ADAMTSL1: variants seen among roughly 807,000 people sequenced by gnomAD.
The protein encoded by ADAMTSL1 is ADAMTS like 1.
Under a neutral mutation model 201.8 loss-of-function variants are expected in ADAMTSL1, and 126 were observed. The observed-to-expected ratio is 0.62, with a 90% CI of 0.54 to 0.72. The LOEUF (loss-of-function observed/expected upper bound fraction) is 0.72. Ranked by LOEUF, ADAMTSL1 falls within the 30% of genes least tolerant of loss-of-function variation. The probability of loss-of-function intolerance (pLI) is 0.00; values close to 1 mark genes in which losing one functional copy is unlikely to be tolerated. For missense variants in ADAMTSL1, 2,679 were observed against 2,277.8 expected (o/e 1.18, Z -3.59); for synonymous variants, 1,121 against 903.4 (o/e 1.24, Z -4.32).
At chr9:18,489,643 T>C (rs2131848160) in intron 1 of ADAMTSL1, among the ~76,000 whole-genome samples, 1 of 152,370 alleles carries the variant, frequency 6.6e-6, no homozygotes, top group African/African-American at 2.4e-5. Context: ...CATTCAGTCT[T>C]CCACACAGAC....
At chr9:18,760,276 C>T (rs1291164870) in intron 16 of ADAMTSL1, among the ~76,000 whole-genome samples, 3 of 152,166 alleles carry the variant, frequency 2.0e-5, no homozygotes, top group Admixed American at 6.5e-5. Flanking sequence ...CTCTTCCTTT[C>T]TAATCCCTCT....
At chr9:18,790,423 A>C (rs1447115704) in intron 19 of ADAMTSL1, among the ~76,000 whole-genome samples, 1 of 152,200 alleles carries the variant, frequency 6.6e-6, no homozygotes, top group African/African-American at 2.4e-5. Context: ...CAGTTGAGCC[A>C]AAGATCCAGA....
intron 1 of ADAMTSL1, among the ~76,000 whole-genome samples, chr9:18,490,644 A>G (rs1006209507): frequency 1.3e-5 from 2 of 152,192 alleles, no homozygotes; most frequent in African/African-American, 4.8e-5. Flanking sequence ...CAGGGGCCTG[A>G]GGAAAGAGTC....
chr9:17,914,411 T>A (rs202050132), intron 1 of ADAMTSL1, among the ~76,000 whole-genome samples: 20 of 152,080 alleles, frequency 1.3e-4, no homozygotes, highest in East Asian at 9.7e-4. Flanking sequence ...ACAGAACCAA[T>A]GACAAAAACC....
chr9:18,618,762 C>G lies in ADAMTSL1; in HGVS notation c.475-3481C>G, dbSNP rs184443352. 2.6e-5 allele frequency among the ~76,000 whole-genome samples: 4 copies of G among 152,282 alleles called. No individual in the cohort carries two copies. The East Asian group carries it at 7.7e-4, about 29-fold the overall frequency. ...GAGGGCAGAAAAGGCATTCCCCAGC[C>G]AAGTCAGCTTCTTTTAAGTAGCCTT... On this transcript the variant is annotated intron_variant, in intron 4 of 28. Transcript: ENST00000380548.
At chr9:18,186,224 T>G (rs1314351239) in intron 2 of ADAMTSL1, among the ~76,000 whole-genome samples, 1 of 152,174 alleles carries the variant, frequency 6.6e-6, no homozygotes, top group Non-Finnish European at 1.5e-5. Context: ...TTGTAAGGTA[T>G]GAGAGGAAGA....
chr9:18,405,894 AC>A (rs1275269617), intron 2 of ADAMTSL1, among the ~76,000 whole-genome samples: 2 of 152,210 alleles, frequency 1.3e-5, no homozygotes, highest in Non-Finnish European at 2.9e-5. Context: ...TTTTAAAAAA[AC>A]AATTACTCTT....
intron 17 of ADAMTSL1, among the ~76,000 whole-genome samples, chr9:18,773,263 A>G (rs1470316752): frequency 1.3e-5 from 2 of 152,216 alleles, no homozygotes; most frequent in Non-Finnish European, 2.9e-5. Flanking sequence ...AAAATTACTT[A>G]CAGATTCTAT....
At chr9:18,489,473 C>G (rs930347624) in intron 1 of ADAMTSL1, among the ~76,000 whole-genome samples, 1 of 152,118 alleles carries the variant, frequency 6.6e-6, no homozygotes, top group Non-Finnish European at 1.5e-5. Context: ...ACCAGGATGT[C>G]GCGTAATCTG....
intron 2 of ADAMTSL1, among the ~76,000 whole-genome samples, chr9:18,339,967 C>T (rs1586922209): frequency 6.6e-6 from 1 of 152,264 alleles, no homozygotes; most frequent in Non-Finnish European, 1.5e-5. Context: ...TGGATTTTCC[C>T]CTTCCCGCAT....
intron 8 of ADAMTSL1, among the ~76,000 whole-genome samples, chr9:18,659,468 G>A (rs1828921966): frequency 6.6e-6 from 1 of 152,176 alleles, no homozygotes; most frequent in Non-Finnish European, 1.5e-5. Flanking sequence ...GTCATGGATA[G>A]AAAATCATTT....
chr9:18,222,050 T>A (rs1263754120), intron 2 of ADAMTSL1, among the ~76,000 whole-genome samples: 4 of 152,074 alleles, frequency 2.6e-5, no homozygotes, highest in Non-Finnish European at 5.9e-5. Context: ...TTATCCCTAG[T>A]AATAATTTTG....
intron 20 of ADAMTSL1, among the ~76,000 whole-genome samples, chr9:18,811,456 G>C (rs898659896): frequency 6.6e-6 from 1 of 152,172 alleles, no homozygotes. Flanking sequence ...TGTGTAGTGG[G>C]GACTATGTGG....
chr9:18,509,444 C>T (rs1036819549), intron 2 of ADAMTSL1, among the ~76,000 whole-genome samples: 15 of 152,102 alleles, frequency 9.9e-5, no homozygotes, highest in African/African-American at 3.4e-4. Flanking sequence ...GCATAAAAAC[C>T]ACTAATCCTC....
intron 4 of ADAMTSL1, among the ~76,000 whole-genome samples, chr9:18,597,954 T>G (rs1378576993): frequency 6.6e-6 from 1 of 152,158 alleles, no homozygotes; most frequent in Non-Finnish European, 1.5e-5. Context: ...ACCTGTCATC[T>G]CTATTGCCTC....
intron 19 of ADAMTSL1, among the ~76,000 whole-genome samples, chr9:18,780,705 C>T (rs10963754): frequency 0.035 from 5,393 of 152,148 alleles, 256 homozygotes; most frequent in East Asian, 0.25. Flanking sequence ...TATATGCACA[C>T]ATAGGATTTG....
intron 23 of ADAMTSL1, among the ~76,000 whole-genome samples, chr9:18,830,792 A>C (rs572094942): frequency 6.6e-6 from 1 of 152,296 alleles, no homozygotes; most frequent in African/African-American, 2.4e-5. Flanking sequence ...AAGTTTCTGT[A>C]CCTTCCTCTT....
At chr9:18,740,935 A>T (rs1478334173) in intron 15 of ADAMTSL1, among the ~76,000 whole-genome samples, 1 of 152,084 alleles carries the variant, frequency 6.6e-6, no homozygotes, top group Admixed American at 6.6e-5. Flanking sequence ...CTCAGTCTGG[A>T]TATCACCAAT....
At chr9:18,135,058 T>G (rs151040988) in intron 1 of ADAMTSL1, among the ~76,000 whole-genome samples, 3 of 152,292 alleles carry the variant, frequency 2.0e-5, no homozygotes, top group African/African-American at 7.2e-5. Context: ...TCATTGTTGA[T>G]AATACCTGGT....
Sources: gnomAD v4.1 joint callset for allele counts (sites outside exome capture counted in the v4.1 genomes callset) on GRCh38, gnomAD v4.1.1 for gene constraint, MANE v1.5 for transcripts, NCBI Gene and HGNC (gene_info 2026-07-23, HGNC 2026-07-21) for gene names.